Variants in SVIL observed in about 807,000 individuals in gnomAD.
SVIL encodes the protein archvillin.
A neutral mutation model predicts 240.4 loss-of-function variants in SVIL; 101 were observed. The observed-to-expected ratio is 0.42, with a 90% CI of 0.36 to 0.50. The LOEUF (loss-of-function observed/expected upper bound fraction) is 0.50, where lower values mean the gene tolerates loss of function less well. Ranked by LOEUF, SVIL falls within the 20% of genes least tolerant of loss-of-function variation. The pLI is 0.01. For synonymous variants in SVIL, 999 were observed against 1,100.0 expected, an observed-to-expected ratio of 0.91 and a Z score of 1.82; for missense variants, 2,512 against 2,818.7, an observed-to-expected ratio of 0.89 and a Z score of 2.46.
chr10:29,568,771 A>ATGGG (rs1564654881), intron 2 of SVIL, among the ~76,000 whole-genome samples: 2 of 147,336 alleles, frequency 1.4e-5, no homozygotes, highest in African/African-American at 5.2e-5. Flanking sequence ...AATAACTCAC[A>ATGGG]TGGATGGGTG....
intron 1 of SVIL, among the ~76,000 whole-genome samples, chr10:29,602,963 GCAA>G (rs1358208946): frequency 6.6e-6 from 1 of 151,940 alleles, no homozygotes; most frequent in African/African-American, 2.4e-5. Flanking sequence ...TCCAGCCTGG[GCAA>G]CAAGAGAGAA....
Position 29,532,711 on chromosome 10 carries a change from T to C in SVIL, c.1656A>G (p.Thr552=). 6 of 1,614,208 alleles carry C rather than the reference T, an allele frequency of 3.7e-6. No homozygotes were observed. Among genetic ancestry groups the C allele is most frequent in the Non-Finnish European group, 5.1e-6 (6 of 1,180,036 alleles). ...TCAAGGCCTGGAGCTGAGGGGGGCCTGTGAAATCTGACAGAGAGCGGGTAC... is the reference window on the plus strand; with the variant it reads ...TCAAGGCCTGGAGCTGAGGGGGGCCCGTGAAATCTGACAGAGAGCGGGTAC... The part of the protein sequence containing the change: ...KVRTRSLSDF[T]GPPQLQALKY... Residue 552 remains threonine, a synonymous_variant, in exon 8 of 38, where the codon ACA becomes ACG. Transcript: ENST00000355867.
chr10:29,656,202 G>A (rs1959001437), intron 3 of SVIL, among the ~76,000 whole-genome samples: 1 of 150,390 alleles, frequency 6.6e-6, no homozygotes, highest in Non-Finnish European at 1.5e-5. Flanking sequence ...TTAAAAACAT[G>A]AAGAGGCATT....
intron 12 of SVIL, among the ~76,000 whole-genome samples, chr10:29,529,367 C>T (rs1021367679): frequency 5.3e-5 from 8 of 150,788 alleles, no homozygotes; most frequent in African/African-American, 2.0e-4. Context: ...TGAGCATCAC[C>T]GGCCAGGAGC....
chr10:29,687,597 C>T (rs1961175703), intron 1 of SVIL, among the ~76,000 whole-genome samples: 2 of 152,202 alleles, frequency 1.3e-5, no homozygotes, highest in East Asian at 3.9e-4. Flanking sequence ...TTGCTTCAAT[C>T]TGGGAAGGGA....
intron 1 of SVIL, among the ~76,000 whole-genome samples, chr10:29,732,404 A>ACATATAGAT (rs1313089190): frequency 6.6e-6 from 1 of 152,172 alleles, no homozygotes; most frequent in Non-Finnish European, 1.5e-5. Flanking sequence ...TATACTATAT[A>ACATATAGAT]CATATAGATA....
At chr10:29,544,158 A>C (rs1429060140) in intron 6 of SVIL, among the ~76,000 whole-genome samples, 1 of 152,246 alleles carries the variant, frequency 6.6e-6, no homozygotes, top group Non-Finnish European at 1.5e-5. Context: ...CAAATGCAGC[A>C]CAGTCAAATT....
intron 13 of SVIL, among the ~76,000 whole-genome samples, chr10:29,526,374 G>A (rs887821406): frequency 3.1e-5 from 4 of 129,714 alleles, no homozygotes; most frequent in Admixed American, 1.0e-4. Flanking sequence ...GCACGATCTT[G>A]ACTCACTGCA....
intron 1 of SVIL, among the ~76,000 whole-genome samples, chr10:29,694,769 C>G (rs1463096906): frequency 6.6e-6 from 1 of 152,152 alleles, no homozygotes; most frequent in East Asian, 1.9e-4. Flanking sequence ...TTAACGTTCT[C>G]TTAATATAAC....
intron 18 of SVIL, among the ~76,000 whole-genome samples, chr10:29,497,343 G>A (rs1588987434): frequency 6.6e-6 from 1 of 152,280 alleles, no homozygotes; most frequent in African/African-American, 2.4e-5. Context: ...CCACTATGAT[G>A]GGAAATCTGC....
chr10:29,458,196 T>C lies in SVIL; in HGVS notation c.*51A>G. ...CAAAAATATATATCCATTTCCCTGG[T>C]GCAGTGGTGTTGTTGGACGTGACCG... On this transcript the variant is annotated 3_prime_UTR_variant, in exon 38 of 38. Coordinates refer to ENST00000355867, the MANE Select transcript of SVIL (RefSeq NM_021738.3). 2 of 1,554,472 alleles carry C rather than the reference T, an allele frequency of 1.3e-6. No individual in the cohort carries two copies. Among genetic ancestry groups the C allele is most frequent in the Non-Finnish European group, 8.8e-7 (1 of 1,131,460 alleles).
At position 29,533,447 on chromosome 10, in the gene SVIL, C is replaced by T. The variant is rs759548423; in HGVS notation, c.920G>A (p.Arg307Lys). 2.5e-6 allele frequency: 4 copies of T among 1,612,498 alleles called. No homozygotes were observed. Among genetic ancestry groups the T allele is most frequent in the Non-Finnish European group, 3.4e-6 (4 of 1,178,992 alleles). Reference sequence around the variant, plus strand: ...ACTTTCCTCTTTCACCAATTTTTCTCTAACTTTAACTCTTTAAGAAAGAAA... The same window carrying T: ...ACTTTCCTCTTTCACCAATTTTTCTTTAACTTTAACTCTTTAAGAAAGAAA... ...LINWPSRVKV[R>K]EKLVKEESAR... is the part of the protein sequence containing the mutation. Residue 307 changes from arginine to lysine, a missense_variant, in exon 8 of 38, where the codon AGA becomes AAA. Arg to Lys is a conservative substitution (Grantham distance 26). This residue lies in a region of SVIL where 1,443 missense variants were observed against 1,486.6 expected (regional missense o/e 0.97). Coordinates refer to ENST00000355867, the MANE Select transcript of SVIL (RefSeq NM_021738.3).
intron 2 of SVIL, among the ~76,000 whole-genome samples, chr10:29,659,393 G>A (rs74743817): frequency 0.042 from 6,423 of 152,128 alleles, 201 homozygotes; most frequent in Admixed American, 0.096. Flanking sequence ...TATTCTTACC[G>A]CCGGAAAAAG....
chr10:29,513,610 G>T (rs1950011081), intron 16 of SVIL, among the ~76,000 whole-genome samples: 1 of 152,154 alleles, frequency 6.6e-6, no homozygotes, highest in South Asian at 2.1e-4. Flanking sequence ...CTTTCAATTA[G>T]AGGTAAAATT....
Position 29,643,652 on chromosome 10 carries a change from GAATC to G in SVIL, c.-201+14313_-201+14316del, listed in dbSNP as rs550085863. ...AACCCCCCACCCCTGCCGGAAATCT[GAATC>G]AATCAATAATTCAATCAATTGAGTC... is the stretch of plus-strand genomic sequence containing the variant. On this transcript the variant is annotated intron_variant, in intron 3 of 35. Transcript: ENST00000375400. Among the ~76,000 whole-genome samples, 400 of 152,242 alleles carry G rather than the reference GAATC, an allele frequency of 2.6e-3. 3 individuals carry two copies. The highest frequency in any genetic ancestry group is 9.2e-3 in the African/African-American group (381 of 41,534).
At chr10:29,713,092 T>C (rs894197764) in intron 1 of SVIL, among the ~76,000 whole-genome samples, 3 of 151,920 alleles carry the variant, frequency 2.0e-5, no homozygotes, top group Non-Finnish European at 2.9e-5. Context: ...GGTAGGAGAA[T>C]TGCTTGAATC....
chr10:29,672,244 T>G (rs1167464449), intron 2 of SVIL, among the ~76,000 whole-genome samples: 1 of 152,218 alleles, frequency 6.6e-6, no homozygotes, highest in Non-Finnish European at 1.5e-5. Context: ...GTGGCAATGT[T>G]GAATAATTAG....
At chr10:29,656,041 T>TG (rs34078888) in intron 3 of SVIL, among the ~76,000 whole-genome samples, 26,181 of 151,636 alleles carry the variant, frequency 0.17, 2,427 homozygotes, top group South Asian at 0.34. Flanking sequence ...CAGCTAATTT[T>TG]TGTATTTTTA....
upstream of SVIL, among the ~76,000 whole-genome samples, chr10:29,636,544 C>T (rs1284091321): frequency 2.0e-5 from 3 of 152,172 alleles, no homozygotes; most frequent in African/African-American, 7.2e-5. Flanking sequence ...GGTAAATCTC[C>T]TTCGTCACTT....
Sources: gnomAD v4.1 joint callset for allele counts (sites outside exome capture counted in the v4.1 genomes callset) on GRCh38, gnomAD v4.1.1 for gene constraint, gnomAD v4.1.1 regional missense constraint, MANE v1.5 for transcripts, NCBI Gene and HGNC (gene_info 2026-07-23, HGNC 2026-07-21) for gene names.